LPP: variants seen among roughly 807,000 people sequenced by gnomAD.
LPP encodes the protein LIM domain containing preferred translocation partner in lipoma, also known as lipoma-preferred partner.
Under a neutral mutation model 60.4 loss-of-function variants are expected in LPP, and 38 were observed. The observed-to-expected ratio is 0.63, with a 90% CI of 0.49 to 0.83. LPP has a LOEUF of 0.83. Ranked by LOEUF, LPP falls within the 40% of genes least tolerant of loss-of-function variation. The pLI is 0.00. For synonymous variants in LPP, 328 were observed against 290.8 expected (o/e 1.13, Z -1.30); for missense variants, 902 against 783.6 (o/e 1.15, Z -1.80).
intron 7 of LPP, among the ~76,000 whole-genome samples, chr3:188,634,521 C>G (rs530690429): frequency 6.6e-6 from 1 of 152,206 alleles, no homozygotes; most frequent in East Asian, 1.9e-4. Context: ...TGGTCAGTGG[C>G]GGGCAAGTGG....
At chr3:188,552,394 G>A (rs934249773) in intron 6 of LPP, among the ~76,000 whole-genome samples, 17 of 152,156 alleles carry the variant, frequency 1.1e-4, no homozygotes, top group African/African-American at 4.1e-4. Flanking sequence ...CTGCTCCTAA[G>A]ATATGATGAG....
intron 2 of LPP, among the ~76,000 whole-genome samples, chr3:188,330,277 T>C (rs1232496947): frequency 1.3e-5 from 2 of 152,228 alleles, no homozygotes; most frequent in Non-Finnish European, 2.9e-5. Flanking sequence ...TTTGGGGAGC[T>C]AAGGTTTGCA....
intron 2 of LPP, among the ~76,000 whole-genome samples, chr3:188,269,407 T>C (rs1278429727): frequency 6.6e-6 from 1 of 152,250 alleles, no homozygotes; most frequent in Non-Finnish European, 1.5e-5. Flanking sequence ...TGAATGTTTA[T>C]ATTGAATTCT....
chr3:188,525,281 ATCT>A (rs1820283121), intron 6 of LPP, among the ~76,000 whole-genome samples: 1 of 152,032 alleles, frequency 6.6e-6, no homozygotes, highest in Non-Finnish European at 1.5e-5. Context: ...TTCTTTCTTG[ATCT>A]TCTTAGAGTC....
At chr3:188,654,429 A>T (rs1325422962) in intron 7 of LPP, among the ~76,000 whole-genome samples, 1 of 152,356 alleles carries the variant, frequency 6.6e-6, no homozygotes, top group Non-Finnish European at 1.5e-5. Context: ...AAAATGGTGC[A>T]TCATACGAAT....
At chr3:188,748,142 T>C (rs1400230059) in intron 8 of LPP, among the ~76,000 whole-genome samples, 3 of 152,190 alleles carry the variant, frequency 2.0e-5, no homozygotes, top group African/African-American at 7.2e-5. Context: ...TAGATATTCA[T>C]AAGAAAATTT....
chr3:188,168,353 C>A (rs548941522), intron 1 of LPP, among the ~76,000 whole-genome samples: 8 of 152,124 alleles, frequency 5.3e-5, no homozygotes, highest in Non-Finnish European at 1.2e-4. Context: ...GTGTCCATAG[C>A]CTTTTAAACC....
At chr3:188,183,462 G>A (rs1424454809) in intron 1 of LPP, among the ~76,000 whole-genome samples, 1 of 152,120 alleles carries the variant, frequency 6.6e-6, no homozygotes, top group African/African-American at 2.4e-5. Flanking sequence ...TGTCCCCTCT[G>A]TATCAGACAC....
chr3:188,261,358 A>G (rs1052616928), intron 2 of LPP, among the ~76,000 whole-genome samples: 5 of 147,058 alleles, frequency 3.4e-5, no homozygotes, highest in Middle Eastern at 3.4e-3. Context: ...CTCTCTACAC[A>G]GACACACACA....
chr3:188,188,452 A>G (rs947458135), intron 1 of LPP, among the ~76,000 whole-genome samples: 9 of 152,194 alleles, frequency 5.9e-5, no homozygotes, highest in African/African-American at 2.2e-4. Context: ...ACTTAGGCCC[A>G]TGATGCTCTT....
chr3:188,650,920 C>A (rs1210568370), intron 7 of LPP, among the ~76,000 whole-genome samples: 2 of 152,070 alleles, frequency 1.3e-5, no homozygotes, highest in Non-Finnish European at 2.9e-5. Context: ...TTTTGAGAAA[C>A]CAAATGACCC....
chr3:188,378,484 G>T (rs984925173), intron 3 of LPP, among the ~76,000 whole-genome samples: 18 of 152,198 alleles, frequency 1.2e-4, no homozygotes, highest in African/African-American at 1.7e-4. Context: ...CAATGAGTGA[G>T]ACTCCATGGG....
rs1186119016 is a variant in LPP, at chr3:188,887,097, G to A, written c.*12618G>A. The A allele has an allele frequency of 4.4e-6, 1 of 229,316 alleles. No individual in the cohort carries two copies. Among genetic ancestry groups the A allele is most frequent in the Non-Finnish European group, 8.6e-6 (1 of 115,676 alleles). The allele number at this position is 229,316 out of a possible 1,614,324, so 14.2% of individuals were successfully genotyped here. On this transcript the variant is annotated 3_prime_UTR_variant, in exon 12 of 12. Transcript: ENST00000617246. ...GGTGCCTGCTGTGCTTTATCCCGAG[G>A]CATAGCAGTAATCGTTACTATCTTG...
chr3:188,515,033 A>C (rs1390335576), intron 5 of LPP, among the ~76,000 whole-genome samples: 1 of 152,178 alleles, frequency 6.6e-6, no homozygotes, highest in Non-Finnish European at 1.5e-5. Flanking sequence ...GTAAATTGTG[A>C]GGAAAAAAAA....
intron 2 of LPP, among the ~76,000 whole-genome samples, chr3:188,269,048 A>G (rs181806829): frequency 6.6e-6 from 1 of 152,312 alleles, no homozygotes; most frequent in East Asian, 1.9e-4. Context: ...TCAGTATAGG[A>G]TGTGATCTTT....
At chr3:188,162,885 G>A (rs1718732225) in intron 1 of LPP, among the ~76,000 whole-genome samples, 2 of 152,120 alleles carry the variant, frequency 1.3e-5, no homozygotes, top group African/African-American at 4.8e-5. Flanking sequence ...TCCTCGTTGT[G>A]CTGTTTAATA....
intron 8 of LPP, among the ~76,000 whole-genome samples, chr3:188,757,534 C>T (rs753399155): frequency 1.3e-5 from 2 of 152,130 alleles, no homozygotes; most frequent in Non-Finnish European, 2.9e-5. Flanking sequence ...ACTGCCATTA[C>T]CAATAGTTTA....
At chr3:188,367,903 A>C (rs73055551) in intron 3 of LPP, among the ~76,000 whole-genome samples, 1,702 of 152,272 alleles carry the variant, frequency 0.011, 28 homozygotes, top group African/African-American at 0.037. Context: ...TGTTCTGTGG[A>C]ACATTCTTTG....
intron 3 of LPP, among the ~76,000 whole-genome samples, chr3:188,382,733 T>G (rs1346047885): frequency 6.6e-6 from 1 of 152,190 alleles, no homozygotes; most frequent in Non-Finnish European, 1.5e-5. Context: ...TTCACTTTTT[T>G]GTTGTTGTTG....
Sources: allele counts gnomAD v4.1 joint callset (sites outside exome capture counted in the v4.1 genomes callset), GRCh38; gene constraint gnomAD v4.1.1; transcripts MANE v1.5; gene names NCBI Gene and HGNC (gene_info 2026-07-23, HGNC 2026-07-21).